Variants in BEND5 observed in about 807,000 individuals in gnomAD.
BEND5 encodes the protein BEN domain-containing protein 5.
Under a neutral mutation model 43.9 loss-of-function variants are expected in BEND5, and 22 were observed. The ratio of observed to expected loss-of-function variants is 0.50; its 90% CI spans 0.36 to 0.72. The LOEUF is 0.72. Ranked by LOEUF, BEND5 falls within the 30% of genes least tolerant of loss-of-function variation. BEND5 has a pLI of 0.00. For missense variants in BEND5, 428 were observed against 550.6 expected (o/e 0.78, Z 2.23); for synonymous variants, 228 against 225.9 (o/e 1.01, Z -0.08).
intron 1 of BEND5, 85 bp downstream of exon 1, chr1:48,776,521 G>A: frequency 2.1e-6 from 2 of 961,816 alleles, no homozygotes; most frequent in South Asian, 2.1e-5. Context: ...GGCTCCCCCC[G>A]GTCCCCTCCG....
chr1:48,738,826 G>A (rs1278880038), intron 4 of BEND5, among the ~76,000 whole-genome samples: 2 of 151,984 alleles, frequency 1.3e-5, no homozygotes, highest in African/African-American at 2.4e-5. Context: ...CCTGGTTCAC[G>A]TACAATGAAC....
At chr1:48,751,090 C>G (rs569988276) in intron 3 of BEND5, among the ~76,000 whole-genome samples, 2 of 152,310 alleles carry the variant, frequency 1.3e-5, no homozygotes, top group Admixed American at 6.5e-5. Flanking sequence ...CTTTTCCCCT[C>G]TCTGGGCCTC....
At chr1:48,748,722 T>C (rs1651165071) in intron 3 of BEND5, among the ~76,000 whole-genome samples, 1 of 151,698 alleles carries the variant, frequency 6.6e-6, no homozygotes, top group East Asian at 1.9e-4. Context: ...GAGGGGGAGA[T>C]CACTGCCGGT....
At chr1:48,748,870 G>T (rs1209748676) in intron 3 of BEND5, among the ~76,000 whole-genome samples, 1 of 152,126 alleles carries the variant, frequency 6.6e-6, no homozygotes, top group Non-Finnish European at 1.5e-5. Flanking sequence ...CTGTGAGTGA[G>T]GGCAGGAGCA....
chr1:48,740,754 A>C (rs1649789515), intron 4 of BEND5, among the ~76,000 whole-genome samples: 1 of 152,184 alleles, frequency 6.6e-6, no homozygotes, highest in Admixed American at 6.5e-5. Flanking sequence ...GTGCAGACAG[A>C]AGGAAGGGTC....
At chr1:48,776,175 G>C (rs910121179) in intron 1 of BEND5, among the ~76,000 whole-genome samples, 1 of 152,190 alleles carries the variant, frequency 6.6e-6, no homozygotes, top group Admixed American at 6.5e-5. Context: ...TAAAGGGAGA[G>C]AGACAGACAG....
chr1:48,776,527 C>A, intron 1 of BEND5, 79 bp downstream of exon 1: 1 of 1,108,538 alleles, frequency 9.0e-7, no homozygotes, highest in Non-Finnish European at 1.2e-6. Context: ...CCCCGGTCCC[C>A]TCCGCCCGGG....
At chr1:48,754,885 C>T (rs6669205) in intron 3 of BEND5, among the ~76,000 whole-genome samples, 2,289 of 151,458 alleles carry the variant, frequency 0.015, 50 homozygotes, top group African/African-American at 0.052. Flanking sequence ...GAGAGAGGCA[C>T]GCAGGACCAG....
chr1:48,761,090 G>A (rs1014168499), intron 2 of BEND5: 3 of 400,776 alleles, frequency 7.5e-6, no homozygotes, highest in Non-Finnish European at 1.4e-5. Context: ...CAACAGCGAT[G>A]ACACTGCACA....
chr1:48,754,829 A>G, intron 3 of BEND5, among the ~76,000 whole-genome samples: 1 of 152,132 alleles, frequency 6.6e-6, no homozygotes, highest in South Asian at 2.1e-4. Context: ...CATGTTGGGA[A>G]AAATGAAGTC....
chr1:48,776,509 G>A (rs1167672910), intron 1 of BEND5, 97 bp downstream of exon 1: 1 of 907,506 alleles, frequency 1.1e-6, no homozygotes, highest in African/African-American at 1.8e-5. Flanking sequence ...GGAGCAAGCA[G>A]TGGCTCCCCC....
rs574802433 is a variant in BEND5, at chr1:48,733,593, G to C, written c.1108+2646C>G. On this transcript the variant is annotated intron_variant, in intron 5 of 5. Coordinates refer to ENST00000371833, the MANE Select transcript of BEND5 (RefSeq NM_024603.4). Reference sequence around the variant, plus strand: ...CAGATGATGCTGAGTTCCAGCTGGGGTTGGAGCTAAGGAGTGTGTAATGGC... The same window carrying C: ...CAGATGATGCTGAGTTCCAGCTGGGCTTGGAGCTAAGGAGTGTGTAATGGC... Among the ~76,000 whole-genome samples, 11 of 152,328 alleles carry C rather than the reference G, an allele frequency of 7.2e-5. No homozygotes were observed. In the South Asian group the frequency reaches 2.3e-3, roughly 32 times the overall value.
intron 1 of BEND5, among the ~76,000 whole-genome samples, chr1:48,766,110 G>C (rs972269451): frequency 2.0e-5 from 3 of 152,104 alleles, no homozygotes; most frequent in Non-Finnish European, 4.4e-5. Flanking sequence ...TAAAAAATTA[G>C]GTTACCACTT....
At chr1:48,763,307 C>T (rs1447838886) in intron 1 of BEND5, among the ~76,000 whole-genome samples, 1 of 152,198 alleles carries the variant, frequency 6.6e-6, no homozygotes, top group Non-Finnish European at 1.5e-5. Flanking sequence ...CTATAAAACA[C>T]ATCCAATGGG....
In BEND5 at chr1:48,751,878, T is replaced by A. The variant is rs569297283; in HGVS notation, c.745+7022A>T. Among the ~76,000 whole-genome samples the A allele has an allele frequency of 3.3e-5, 5 of 152,340 alleles. No homozygotes were observed. In the South Asian group the frequency reaches 1.0e-3, roughly 32 times the overall value. On this transcript the variant is annotated intron_variant, in intron 3 of 5. Coordinates refer to ENST00000371833, the MANE Select transcript of BEND5 (RefSeq NM_024603.4). Reference sequence around the variant, plus strand: ...AAAGGGGAAGGAGGGTCCTGAATTGTTCGGCCACCCTGAAATCAACTTTTA... The same window carrying A: ...AAAGGGGAAGGAGGGTCCTGAATTGATCGGCCACCCTGAAATCAACTTTTA...
chr1:48,760,246 G>A (rs1644183879), intron 2 of BEND5, among the ~76,000 whole-genome samples: 1 of 152,194 alleles, frequency 6.6e-6, no homozygotes, highest in Admixed American at 6.5e-5. Flanking sequence ...CTTCTACTGA[G>A]GGGCAGTGAG....
chr1:48,764,950 A>G (rs1479380106), intron 1 of BEND5, among the ~76,000 whole-genome samples: 1 of 152,140 alleles, frequency 6.6e-6, no homozygotes, highest in Non-Finnish European at 1.5e-5. Flanking sequence ...AAGATGGGTG[A>G]CACTCCCCAT....
intron 3 of BEND5, among the ~76,000 whole-genome samples, chr1:48,751,108 C>T (rs1449383679): frequency 6.6e-6 from 1 of 152,098 alleles, no homozygotes; most frequent in East Asian, 1.9e-4. Context: ...CTCAGTTGTC[C>T]ATCTATAAGA....
At chr1:48,731,350 A>G (rs1194236706) in intron 5 of BEND5, among the ~76,000 whole-genome samples, 3 of 152,234 alleles carry the variant, frequency 2.0e-5, no homozygotes, top group Non-Finnish European at 4.4e-5. Context: ...AGCCCAGTTC[A>G]GCTTGGCTGT....
Sources: gnomAD v4.1 joint callset for allele counts (sites outside exome capture counted in the v4.1 genomes callset) on GRCh38, gnomAD v4.1.1 for gene constraint, MANE v1.5 for transcripts, NCBI Gene and HGNC (gene_info 2026-07-23, HGNC 2026-07-21) for gene names.